RAC1: variants seen among roughly 807,000 people sequenced by gnomAD.
The protein encoded by RAC1 is ras-related C3 botulinum toxin substrate 1.
In RAC1, 2 loss-of-function variants were observed where a neutral mutation model predicts 25.2. The observed-to-expected ratio is 0.08, with a 90% CI of 0.03 to 0.25. RAC1 has a LOEUF of 0.25. Among genes scored for constraint, RAC1 ranks in the 10% least tolerant of loss-of-function variants. RAC1 has a pLI of 1.00. For synonymous variants in RAC1, 88 were observed against 94.0 expected, an observed-to-expected ratio of 0.94 and a Z score of 0.37; for missense variants, 50 against 235.7, an observed-to-expected ratio of 0.21 and a Z score of 5.16.
intron 2 of RAC1, among the ~76,000 whole-genome samples, chr7:6,388,665 C>T (rs1175513465): frequency 6.6e-6 from 1 of 152,054 alleles, no homozygotes; most frequent in African/African-American, 2.4e-5. Context: ...TGGAATCATG[C>T]TGTCCCTGTT....
At position 6,402,460 on chromosome 7, in the gene RAC1, T is replaced by G. The variant is rs774393501; in HGVS notation, c.*14T>G. ...CTGCTGTTGTAAATGTCTCAGCCCC[T>G]CGTTCTTGGTCCTGTCCCTTGGAAC... On this transcript the variant is annotated 3_prime_UTR_variant, in exon 6 of 6. Coordinates refer to ENST00000348035, the MANE Select transcript of RAC1 (RefSeq NM_006908.5). 4.9e-6 allele frequency: 7 copies of G among 1,436,236 alleles called. No individual in the cohort carries two copies. In the African/African-American group the frequency reaches 1.1e-4, roughly 23 times the overall value. 89.0% of individuals were successfully genotyped at this position (1,436,236 alleles called of 1,614,324 possible). A position where few individuals can be genotyped will look rare whatever the true frequency, so the allele number is the denominator to read the frequency against.
chr7:6,387,504 A>G (rs775823547), intron 2 of RAC1, among the ~76,000 whole-genome samples: 18 of 152,252 alleles, frequency 1.2e-4, no homozygotes, highest in African/African-American at 2.4e-4. Context: ...GGGTGGATCA[A>G]CTGAGGGTCA....
At chr7:6,384,671 A>C (rs1041168287) in intron 1 of RAC1, among the ~76,000 whole-genome samples, 2 of 152,002 alleles carry the variant, frequency 1.3e-5, no homozygotes, top group Non-Finnish European at 2.9e-5. Context: ...AGGTCTCCCT[A>C]TGTTGCCCAG....
intron 3 of RAC1, among the ~76,000 whole-genome samples, chr7:6,396,096 C>G (rs865996491): frequency 2.6e-5 from 4 of 152,018 alleles, no homozygotes; most frequent in African/African-American, 9.7e-5. Context: ...AACAGGCACG[C>G]GGGAGTCTGG....
intron 1 of RAC1, among the ~76,000 whole-genome samples, chr7:6,384,344 T>C (rs922220370): frequency 2.6e-5 from 4 of 152,206 alleles, no homozygotes; most frequent in African/African-American, 9.7e-5. Context: ...TCAGGCTTCC[T>C]GCCACACTGC....
At position 6,402,008 on chromosome 7, in the gene RAC1, A is replaced by G. The variant is rs368843939; in HGVS notation, c.429A>G (p.Leu143=). ...KLTPITYPQG[L]AMAKEIGAVK... is the part of the protein sequence containing the mutation. Reference sequence around the variant, plus strand: ...CTCCCATCACCTATCCGCAGGGTCTAGCCATGGCTAAGGAGATTGGTATGG... The same window carrying G: ...CTCCCATCACCTATCCGCAGGGTCTGGCCATGGCTAAGGAGATTGGTATGG... The change falls in exon 5 of 6, where the codon CTA becomes CTG. Residue 143 remains leucine (L), a synonymous_variant. Transcript: ENST00000348035. 1 of 1,613,826 alleles carries G rather than the reference A, an allele frequency of 6.2e-7. No individual in the cohort carries two copies. The highest frequency in any genetic ancestry group is 1.3e-5 in the African/African-American group (1 of 74,918).
At chr7:6,391,894 G>C in intron 2 of RAC1, 30 bp from the exon 3 acceptor site, 1 of 1,613,822 alleles carries the variant, frequency 6.2e-7, no homozygotes, top group Non-Finnish European at 8.5e-7. Context: ...TTCTACACCT[G>C]TGACTAACCA....
At chr7:6,396,508 G>C (rs1366834679) in intron 3 of RAC1, among the ~76,000 whole-genome samples, 1 of 152,180 alleles carries the variant, frequency 6.6e-6, no homozygotes, top group Non-Finnish European at 1.5e-5. Context: ...CCTGTCGTGT[G>C]TGTCTCTTCT....
At chr7:6,391,701 T>G in intron 2 of RAC1, 1 of 543,162 alleles carries the variant, frequency 1.8e-6, no homozygotes, top group Non-Finnish European at 3.2e-6. Flanking sequence ...AAATAGCTTG[T>G]TGTTTGTTTC....
chr7:6,375,058 C>T (rs904371772), intron 1 of RAC1, among the ~76,000 whole-genome samples: 1 of 151,620 alleles, frequency 6.6e-6, no homozygotes, highest in Non-Finnish European at 1.5e-5. Context: ...CGCCGCCCGC[C>T]GCCCTCCTCG....
At chr7:6,401,123 T>C (rs1272776202) in intron 4 of RAC1, among the ~76,000 whole-genome samples, 1 of 151,970 alleles carries the variant, frequency 6.6e-6, no homozygotes, top group Non-Finnish European at 1.5e-5. Flanking sequence ...ACCTGGCTAA[T>C]TTTTGTACTT....
At chr7:6,389,465 A>G (rs924304569) in intron 2 of RAC1, among the ~76,000 whole-genome samples, 1 of 151,590 alleles carries the variant, frequency 6.6e-6, no homozygotes, top group African/African-American at 2.4e-5. Context: ...CGGATCACTG[A>G]GGTAAGGAGT....
At chr7:6,393,446 G>A (rs1028231953) in intron 3 of RAC1, among the ~76,000 whole-genome samples, 8 of 152,100 alleles carry the variant, frequency 5.3e-5, no homozygotes, top group African/African-American at 1.9e-4. Context: ...TGTGACTCAG[G>A]GGGTACCGGG....
At chr7:6,379,309 T>C (rs1343942816) in intron 1 of RAC1, among the ~76,000 whole-genome samples, 1 of 127,158 alleles carries the variant, frequency 7.9e-6, no homozygotes, top group South Asian at 2.6e-4. Context: ...GTTTTCGCCC[T>C]TTTTGCAAAG....
chr7:6,392,666 G>C (rs750772626), intron 3 of RAC1, among the ~76,000 whole-genome samples: 1 of 152,154 alleles, frequency 6.6e-6, no homozygotes, highest in African/African-American at 2.4e-5. Context: ...TGGGTACTTA[G>C]AAGACATTGT....
chr7:6,394,289 C>T (rs1340357653), intron 3 of RAC1, among the ~76,000 whole-genome samples: 1 of 152,208 alleles, frequency 6.6e-6, no homozygotes, highest in Non-Finnish European at 1.5e-5. Flanking sequence ...CAGGTAGTCG[C>T]CATTCTTAGT....
intron 2 of RAC1, among the ~76,000 whole-genome samples, chr7:6,390,941 A>C (rs918473097): frequency 1.3e-5 from 2 of 152,044 alleles, no homozygotes; most frequent in African/African-American, 4.8e-5. Context: ...CTTGTTGCCC[A>C]GGCCGGAGTG....
At chr7:6,390,597 C>G (rs941280788) in intron 2 of RAC1, among the ~76,000 whole-genome samples, 1 of 139,254 alleles carries the variant, frequency 7.2e-6, no homozygotes, top group African/African-American at 2.6e-5. Flanking sequence ...GATTCTGTCT[C>G]AAAAAAAAAA....
chr7:6,374,789 C>G lies in RAC1; in HGVS notation c.35+19C>G, dbSNP rs2115177249. The G allele has an allele frequency of 8.9e-7, 1 of 1,124,876 alleles. No individual in the cohort carries two copies. Among genetic ancestry groups the G allele is most frequent in the South Asian group, 3.8e-5 (1 of 26,524 alleles). 69.7% of individuals were successfully genotyped at this position (1,124,876 alleles called of 1,614,324 possible). A position where few individuals can be genotyped will look rare whatever the true frequency, so the allele number is the denominator to read the frequency against. Reference sequence around the variant, plus strand: ...GAGACGGGTGAGTGCGCGGCCGGGGCCGGGCTGGAGGCCGCGGGATCGGGC... The same window carrying G: ...GAGACGGGTGAGTGCGCGGCCGGGGGCGGGCTGGAGGCCGCGGGATCGGGC... On this transcript the variant is annotated intron_variant, in intron 1 of 5. Transcript: ENST00000348035.
Sources: gnomAD v4.1 joint callset for allele counts (sites outside exome capture counted in the v4.1 genomes callset) on GRCh38, gnomAD v4.1.1 for gene constraint, MANE v1.5 for transcripts, NCBI Gene and HGNC (gene_info 2026-07-23, HGNC 2026-07-21) for gene names.